Variants in ZNF888 observed in about 807,000 individuals in gnomAD.
The protein encoded by ZNF888 is zinc finger protein 888, also known as CTD-2331H12.6.
A neutral mutation model predicts 7.2 loss-of-function variants in ZNF888; 5 were observed. The ratio of observed to expected loss-of-function variants is 0.70; its 90% CI spans 0.36 to 1.46. The LOEUF (loss-of-function observed/expected upper bound fraction) is 1.46, where lower values mean the gene tolerates loss of function less well. ZNF888 is among the 40% of genes most tolerant of loss of function. The probability of loss-of-function intolerance (pLI) is 0.03; values close to 1 mark genes in which losing one functional copy is unlikely to be tolerated. For missense variants in ZNF888, 716 were observed against 858.0 expected (o/e 0.83, Z 2.07); for synonymous variants, 240 against 284.3 (o/e 0.84, Z 1.57).
rs73936437 is a variant in ZNF888, at chr19:52,908,494, A to C, written c.143-315T>G. Among the ~76,000 whole-genome samples, 1,264 of 152,278 alleles carry C rather than the reference A, an allele frequency of 8.3e-3. 22 individuals carry two copies. The highest frequency in any genetic ancestry group is 0.029 in the African/African-American group (1,186 of 41,552). On this transcript the variant is annotated intron_variant, in intron 4 of 4. Coordinates refer to ENST00000638862, the MANE Select transcript of ZNF888 (RefSeq NM_001393938.1). ...TGTCACAGTTTGCAAAAAATTTATC[A>C]CTGTAACAACAAAAAGAAGAAAATA...
chr19:52,906,293 G>A lies in ZNF888; in HGVS notation c.2029C>T (p.Leu677=). 1.2e-6 allele frequency: 2 copies of A among 1,613,464 alleles called. No individual in the cohort carries two copies. The highest frequency in any genetic ancestry group is 1.1e-5 in the South Asian group (1 of 91,010). The change falls in exon 5 of 5, where the codon CTG becomes TTG. Residue 677 remains leucine, a synonymous_variant. Coordinates refer to ENST00000638862, the MANE Select transcript of ZNF888 (RefSeq NM_001393938.1). ...GTATGAATTCTAGTATGTTGTGCCA[G>A]GTGTGAGTAACACTTGAAAGCCTTG... ...CDKAFKCYSH[L]AQHTRIHTGE...
At chr19:52,918,086 T>C (rs1454299625) in intron 2 of ZNF888, 155 bp from the exon 3 acceptor site, 4 of 1,423,080 alleles carry the variant, frequency 2.8e-6, no homozygotes, top group Non-Finnish European at 3.7e-6. Context: ...AATAAACTCC[T>C]ATAGGAAAAC....
intron 3 of ZNF888, among the ~76,000 whole-genome samples, chr19:52,916,047 G>A (rs747937828): frequency 5.2e-5 from 8 of 152,384 alleles, no homozygotes; most frequent in Non-Finnish European, 8.8e-5. Context: ...GTGGGAGGCT[G>A]AGGCAGGAGA....
In ZNF888 at chr19:52,917,627, G is replaced by A. The variant is rs1375189990; in HGVS notation, c.15+232C>T. Among the ~76,000 whole-genome samples, 4 of 152,232 alleles carry A rather than the reference G, an allele frequency of 2.6e-5. No homozygotes were observed. In the East Asian group the frequency reaches 7.7e-4, roughly 29 times the overall value. ...CCTCACCCCGTCTCCATCCATGTCT[G>A]TGTGTGAGCCCTTCCCAGGACCATG... is the stretch of plus-strand genomic sequence containing the variant. On this transcript the variant is annotated intron_variant, in intron 3 of 4. Transcript: ENST00000638862.
chr19:52,907,036 T>C lies in ZNF888; in HGVS notation c.1286A>G (p.Lys429Arg). 1.2e-6 allele frequency: 2 copies of C among 1,611,916 alleles called. No homozygotes were observed. Among genetic ancestry groups the C allele is most frequent in the Non-Finnish European group, 1.7e-6 (2 of 1,179,342 alleles). Reference protein sequence around the residue: ...FGENSALLVHKTIHTGEKPYK... With the variant: ...FGENSALLVHRTIHTGEKPYK... ...AGGTTTCTCTCCAGTATGAATTGTC[T>C]TGTGAACTAAGAGGGCTGAATTTTC... The change falls in exon 5 of 5, where the codon AAG becomes AGG. Residue 429 changes from lysine to arginine, a missense_variant. Coordinates refer to ENST00000638862, the MANE Select transcript of ZNF888 (RefSeq NM_001393938.1).
chr19:52,906,753 C>G lies in ZNF888; in HGVS notation c.1569G>C (p.Lys523Asn), dbSNP rs1235270590. The G allele has an allele frequency of 1.2e-6, 2 of 1,613,276 alleles. No individual in the cohort carries two copies. Among genetic ancestry groups the G allele is most frequent in the East Asian group, 2.2e-5 (1 of 44,826 alleles). The change falls in exon 5 of 5, where the codon AAG (lysine) becomes AAC (asparagine). Residue 523 changes from lysine to asparagine, a missense_variant. Physicochemically the swap from Lys to Asn is moderately conservative, Grantham distance 94. This residue lies in a region of ZNF888 where 697 missense variants were observed against 803.4 expected (regional missense o/e 0.87). Transcript: ENST00000638862. The part of the protein sequence containing the change: ...TVIHTGEKPY[K>N]CNECGKTFVQ... ...CGAAGGTCTTGCCACACTCATTACACTTGTAAGGTTTCTCTCCAGTGTGAA... is the reference window on the plus strand; with the variant it reads ...CGAAGGTCTTGCCACACTCATTACAGTTGTAAGGTTTCTCTCCAGTGTGAA...
intron 4 of ZNF888, among the ~76,000 whole-genome samples, chr19:52,908,599 A>T (rs2064639100): frequency 6.6e-6 from 1 of 152,210 alleles, no homozygotes; most frequent in Non-Finnish European, 1.5e-5. Context: ...ATTGGTAAAT[A>T]ATCAACAACA....
chr19:52,909,466 T>C (rs28433496), intron 4 of ZNF888, among the ~76,000 whole-genome samples: 2,753 of 152,024 alleles, frequency 0.018, 86 homozygotes, highest in African/African-American at 0.063. Flanking sequence ...AAGGCTCGTC[T>C]CGAACTCCTG....
At chr19:52,920,489 CAAAAA>C (rs1191621530) in intron 1 of ZNF888, among the ~76,000 whole-genome samples, 3 of 6,866 alleles carry the variant, frequency 4.4e-4, no homozygotes, top group Non-Finnish European at 9.2e-4. Flanking sequence ...TGCTTGAAGG[CAAAAA>C]AAAAAAAAAA....
rs1026788351 is a variant in ZNF888, at chr19:52,904,490, C to T, written c.*1675G>A. On this transcript the variant is annotated 3_prime_UTR_variant, in exon 5 of 5. Transcript: ENST00000638862. ...TTAAAATCTGAGCTCCCCTAATGCA[C>T]AATTTCTGTCCTTTTTAAGGGCTCA... 2.0e-5 allele frequency: 3 copies of T among 152,198 alleles called. No homozygotes were observed. The highest frequency in any genetic ancestry group is 7.2e-5 in the African/African-American group (3 of 41,444). The allele number at this position is 152,198 out of a possible 1,614,324, so 9.4% of individuals were successfully genotyped here.
chr19:52,922,433 TC>T (rs769185998), intron 1 of ZNF888, among the ~76,000 whole-genome samples: 46 of 152,108 alleles, frequency 3.0e-4, no homozygotes, highest in Middle Eastern at 6.8e-3. Context: ...AAATCCCTCC[TC>T]CTCTCCCTCA....
rs547761098 is a variant in ZNF888 at position 52,905,936 on chromosome 19, A to G, written c.*229T>C. On this transcript the variant is annotated 3_prime_UTR_variant, in exon 5 of 5. Transcript: ENST00000638862. ...CACACTTGTGAGGTTTCTCTCCTGT[A>G]TGAATTCTCCTGTTTTGCATAGGAT... The G allele has an allele frequency of 5.6e-5, 46 of 821,606 alleles. No homozygotes were observed. The East Asian group carries it at 1.1e-3, about 20-fold the overall frequency. The allele number at this position is 821,606 out of a possible 1,614,324, so 50.9% of individuals were successfully genotyped here. A position where few individuals can be genotyped will look rare whatever the true frequency, so the allele number is the denominator to read the frequency against.
chr19:52,915,346 C>G lies in ZNF888; in HGVS notation c.16-24G>C, dbSNP rs768631074. On this transcript the variant is annotated intron_variant, in intron 3 of 4. Coordinates refer to ENST00000638862, the MANE Select transcript of ZNF888 (RefSeq NM_001393938.1). ...CCCTGAAATGAAAACACATTTTAAC[C>G]AAATGGTTATGAGAGGAGATCTTAT... The G allele has an allele frequency of 4.5e-5, 72 of 1,604,084 alleles. No individual in the cohort carries two copies. In the African/African-American group the frequency reaches 9.1e-4, roughly 20 times the overall value.
At chr19:52,911,001 C>T (rs2064671350) in intron 4 of ZNF888, among the ~76,000 whole-genome samples, 1 of 152,034 alleles carries the variant, frequency 6.6e-6, no homozygotes, top group Non-Finnish European at 1.5e-5. Flanking sequence ...CTGCTTCAAC[C>T]TCCCAAGTCT....
In ZNF888 at chr19:52,907,173, T is replaced by C. The variant is rs2064620346; in HGVS notation, c.1149A>G (p.Lys383=). The C allele has an allele frequency of 6.2e-7, 1 of 1,612,508 alleles. No individual in the cohort carries two copies. Among genetic ancestry groups the C allele is most frequent in the African/African-American group, 1.3e-5 (1 of 74,404 alleles). The change falls in exon 5 of 5, where the codon AAA becomes AAG. Residue 383 remains lysine, a synonymous_variant. Coordinates refer to ENST00000638862, the MANE Select transcript of ZNF888 (RefSeq NM_001393938.1). The part of the protein sequence containing the change: ...RRIHTGEKPY[K]CKVCDKAFRH... ...TGAAAGCCTTGTCACAAACCTTACA[T>C]TTGTATGGTTTCTCACCAGTGTGAA...
chr19:52,906,206 T>A lies in ZNF888; in HGVS notation c.2116A>T (p.Ile706Phe), dbSNP rs993457063. 5 of 1,610,702 alleles carry A rather than the reference T, an allele frequency of 3.1e-6. No homozygotes were observed. Among genetic ancestry groups the A allele is most frequent in the African/African-American group, 1.3e-5 (1 of 74,896 alleles). ...GKAFRAQSTL[I>F]HHQAIHGVGK... is the part of the protein sequence containing the mutation. ...ACACCATGGATTGCCTGATGGTGAA[T>A]AAGTGTTGACTGTGCACGAAAGGCT... is the stretch of plus-strand genomic sequence containing the variant. The change falls in exon 5 of 5, where the codon ATT becomes TTT. Residue 706 changes from isoleucine to phenylalanine, a missense_variant. Transcript: ENST00000638862.
chr19:52,911,557 C>T (rs993099402), intron 4 of ZNF888, among the ~76,000 whole-genome samples: 10 of 151,970 alleles, frequency 6.6e-5, no homozygotes, highest in Non-Finnish European at 1.3e-4. Flanking sequence ...CCAGGATGGT[C>T]TCGATCTCCT....
chr19:52,917,864 G>A lies in ZNF888; in HGVS notation c.10C>T (p.Pro4Ser). Residue 4 changes from proline to serine, a missense_variant, in exon 3 of 5, where the codon CCT becomes TCT. By Grantham distance (74) the Pro-to-Ser change is moderately conservative. Transcript: ENST00000638862. MALPQGLLTFRDVA... is the reference protein window; with the variant it reads MALSQGLLTFRDVA... ...CACAGAGAATATCATCTCACCTGAG[G>A]AAGAGCCATCCCTGACTCCTTTGCT... The A allele has an allele frequency of 2.5e-6, 4 of 1,613,240 alleles. No homozygotes were observed. In the Middle Eastern group the frequency reaches 4.9e-4, roughly 200 times the overall value.
intron 4 of ZNF888, among the ~76,000 whole-genome samples, chr19:52,912,964 G>A (rs537806219): frequency 1.3e-4 from 20 of 151,934 alleles, no homozygotes; most frequent in East Asian, 5.9e-4. Context: ...AAAATTAGCC[G>A]GGTGTGGCGA....
Sources: gnomAD v4.1 joint callset for allele counts (sites outside exome capture counted in the v4.1 genomes callset) on GRCh38, gnomAD v4.1.1 for gene constraint, gnomAD v4.1.1 regional missense constraint, MANE v1.5 for transcripts, NCBI Gene and HGNC (gene_info 2026-07-23, HGNC 2026-07-21) for gene names.